TNKS2: variants seen among roughly 807,000 people sequenced by gnomAD.
TNKS2 encodes tankyrase 2.
TNKS2 carries 72 observed loss-of-function variants against 137.6 expected under a neutral mutation model. The ratio of observed to expected loss-of-function variants is 0.52; its 90% CI spans 0.43 to 0.64. The LOEUF is 0.64. TNKS2 is among the 30% of genes least tolerant of loss of function. The pLI, the probability that TNKS2 is intolerant of heterozygous loss-of-function variation, is 0.00. For synonymous variants in TNKS2, 516 were observed against 512.1 expected (o/e 1.01, Z -0.10); for missense variants, 1,049 against 1,410.2 (o/e 0.74, Z 4.10).
intron 16 of TNKS2, among the ~76,000 whole-genome samples, chr10:91,843,022 A>C (rs879369918): frequency 1.3e-5 from 2 of 152,236 alleles, no homozygotes; most frequent in Non-Finnish European, 2.9e-5. Flanking sequence ...AAATATGCCT[A>C]CTTGAGCCAG....
At chr10:91,806,535 G>T (rs1178008128) in intron 1 of TNKS2, among the ~76,000 whole-genome samples, 1 of 152,026 alleles carries the variant, frequency 6.6e-6, no homozygotes, top group Non-Finnish European at 1.5e-5. Flanking sequence ...CTGAAAACTA[G>T]ATTCAAAGTC....
intron 1 of TNKS2, among the ~76,000 whole-genome samples, chr10:91,800,957 G>A (rs1462486957): frequency 6.6e-6 from 1 of 152,178 alleles, no homozygotes; most frequent in Non-Finnish European, 1.5e-5. Flanking sequence ...TTCAACACAG[G>A]TGGTGGTATT....
At chr10:91,807,406 G>T (rs972484154) in intron 1 of TNKS2, 4 of 1,613,868 alleles carry the variant, frequency 2.5e-6, no homozygotes, top group Admixed American at 1.7e-5. Flanking sequence ...TCGGCAGCGC[G>T]GCTGAACTCC....
At chr10:91,862,347 C>G (rs1842874032) in intron 26 of TNKS2, among the ~76,000 whole-genome samples, 192 bp downstream of exon 26, 1 of 152,032 alleles carries the variant, frequency 6.6e-6, no homozygotes, top group African/African-American at 2.4e-5. Context: ...CCTAGATTTC[C>G]TAAATGTTAA....
chr10:91,814,667 A>G (rs1421520752), intron 2 of TNKS2, among the ~76,000 whole-genome samples: 5 of 152,186 alleles, frequency 3.3e-5, no homozygotes, highest in Non-Finnish European at 7.4e-5. Flanking sequence ...TTACAGATGT[A>G]CTTACCATTG....
At chr10:91,854,440 G>A (rs552595100) in intron 21 of TNKS2, among the ~76,000 whole-genome samples, 16 of 152,192 alleles carry the variant, frequency 1.1e-4, no homozygotes, top group Admixed American at 7.8e-4. Flanking sequence ...CATAAGTGGG[G>A]AAACTAGTGA....
At chr10:91,849,296 T>G (rs139895358) in intron 19 of TNKS2, among the ~76,000 whole-genome samples, 1 of 152,320 alleles carries the variant, frequency 6.6e-6, no homozygotes, top group Non-Finnish European at 1.5e-5. Flanking sequence ...AAAACAAAGT[T>G]TAAAATAAAA....
intron 11 of TNKS2, among the ~76,000 whole-genome samples, chr10:91,831,813 C>T (rs1226829262): frequency 1.3e-5 from 2 of 152,124 alleles, no homozygotes; most frequent in Non-Finnish European, 2.9e-5. Context: ...GAAGAGATGA[C>T]AGTAGTCACC....
intron 7 of TNKS2, among the ~76,000 whole-genome samples, chr10:91,823,359 G>A (rs1354155899): frequency 1.2e-5 from 1 of 83,700 alleles, no homozygotes; most frequent in Admixed American, 1.7e-4. Flanking sequence ...ACGGAGTCTC[G>A]CTCTGTCGCC....
rs1288337200 is a variant in TNKS2, at chr10:91,864,388, A to T, written c.*1389A>T. 1 of 152,592 alleles carries T rather than the reference A, an allele frequency of 6.6e-6. No homozygotes were observed. Among genetic ancestry groups the T allele is most frequent in the Admixed American group, 6.5e-5 (1 of 15,270 alleles). The allele number at this position is 152,592 out of a possible 1,614,324, so 9.5% of individuals were successfully genotyped here. ...CTTGTTACAGAGACATACATCCATT[A>T]TGGCTTGGCAATCTCTTTTATTTGT... On this transcript the variant is annotated 3_prime_UTR_variant, in exon 27 of 27. Transcript: ENST00000371627.
intron 1 of TNKS2, 170 bp from the exon 2 acceptor site, chr10:91,812,813 A>T: frequency 2.0e-6 from 2 of 984,994 alleles, no homozygotes; most frequent in African/African-American, 3.5e-5. Context: ...TGGCTTTATC[A>T]TTAAGGTTAG....
At chr10:91,852,017 A>G (rs760940987) in intron 21 of TNKS2, among the ~76,000 whole-genome samples, 11 of 152,286 alleles carry the variant, frequency 7.2e-5, no homozygotes, top group African/African-American at 2.6e-4. Context: ...TCACGAGGTC[A>G]GGAGATCCAG....
chr10:91,838,710 G>A lies in TNKS2; in HGVS notation c.1527+1712G>A, dbSNP rs116440024. 9.6e-3 allele frequency among the ~76,000 whole-genome samples: 1,465 copies of A among 152,292 alleles called. 8 individuals are homozygous for A. The highest frequency in any genetic ancestry group is 0.024 in the Middle Eastern group (7 of 294). ...TATCTAGCCAGATCTTATTTGGGAA[G>A]CACAGAAGAGCTTTTTACCAGGACA... On this transcript the variant is annotated intron_variant, in intron 13 of 26. Coordinates refer to ENST00000371627, the MANE Select transcript of TNKS2 (RefSeq NM_025235.4).
At position 91,863,326 on chromosome 10, in the gene TNKS2, C is replaced by T. The variant is rs545307352; in HGVS notation, c.*327C>T. On this transcript the variant is annotated 3_prime_UTR_variant, in exon 27 of 27. Transcript: ENST00000371627. ...ACAAACTGTAATGCCCTCAACAGAA[C>T]TAATTTTACTAATACAATACTGTGT... 5.2e-6 allele frequency: 1 copy of T among 191,542 alleles called. No individual in the cohort carries two copies. The highest frequency in any genetic ancestry group is 5.9e-5 in the Admixed American group (1 of 16,844). The allele number at this position is 191,542 out of a possible 1,614,324, so 11.9% of individuals were successfully genotyped here.
intron 1 of TNKS2, among the ~76,000 whole-genome samples, chr10:91,800,871 A>G (rs955465197): frequency 3.3e-5 from 5 of 152,198 alleles, no homozygotes; most frequent in African/African-American, 1.2e-4. Flanking sequence ...TAATATATGG[A>G]GAATATACTT....
At chr10:91,819,596 G>C in intron 5 of TNKS2, 39 bp downstream of exon 5, 1 of 1,427,084 alleles carries the variant, frequency 7.0e-7, no homozygotes, top group Non-Finnish European at 9.6e-7. Context: ...TTATCTCCTG[G>C]TAACATGAAG....
chr10:91,805,705 T>C (rs1331250160), intron 1 of TNKS2, among the ~76,000 whole-genome samples: 1 of 152,244 alleles, frequency 6.6e-6, no homozygotes, highest in African/African-American at 2.4e-5. Context: ...TTATTACTGC[T>C]GAAGAATAGT....
intron 2 of TNKS2, among the ~76,000 whole-genome samples, chr10:91,814,457 T>G (rs1844607566): frequency 6.6e-6 from 1 of 152,190 alleles, no homozygotes; most frequent in Non-Finnish European, 1.5e-5. Flanking sequence ...ATTTTAAAAA[T>G]AAACTTACAT....
At chr10:91,855,921 T>G (rs568726103) in intron 23 of TNKS2, among the ~76,000 whole-genome samples, 1 of 152,322 alleles carries the variant, frequency 6.6e-6, no homozygotes, top group African/African-American at 2.4e-5. Context: ...AGTTTATGGG[T>G]TATGCTTTAT....
Sources: gnomAD v4.1 joint callset for allele counts (sites outside exome capture counted in the v4.1 genomes callset) on GRCh38, gnomAD v4.1.1 for gene constraint, MANE v1.5 for transcripts, NCBI Gene and HGNC (gene_info 2026-07-23, HGNC 2026-07-21) for gene names.